SHLD2: variants seen among roughly 807,000 people sequenced by gnomAD.
SHLD2 encodes shieldin complex subunit 2, also known as RINN1-REV7-interacting novel NHEJ regulator 2.
A neutral mutation model predicts 73.2 loss-of-function variants in SHLD2; 30 were observed. That is an observed-to-expected ratio of 0.41 (90% confidence interval 0.31 to 0.56). The LOEUF (loss-of-function observed/expected upper bound fraction) is 0.56, where lower values mean the gene tolerates loss of function less well. Among genes scored for constraint, SHLD2 ranks in the 20% least tolerant of loss-of-function variants. The probability of loss-of-function intolerance (pLI) is 0.28; values close to 1 mark genes in which losing one functional copy is unlikely to be tolerated. For missense variants in SHLD2, 745 were observed against 1,055.9 expected, an observed-to-expected ratio of 0.71 and a Z score of 4.08; for synonymous variants, 285 against 370.1, an observed-to-expected ratio of 0.77 and a Z score of 2.64.
At chr10:87,105,527 G>A (rs1373202783) in intron 2 of SHLD2, among the ~76,000 whole-genome samples, 1 of 152,160 alleles carries the variant, frequency 6.6e-6, no homozygotes, top group East Asian at 1.9e-4. Context: ...TGACCCTCGA[G>A]TAGCAATATC....
intron 2 of SHLD2, among the ~76,000 whole-genome samples, chr10:87,110,626 T>C (rs1405787299): frequency 1.3e-5 from 2 of 148,422 alleles, no homozygotes; most frequent in African/African-American, 2.5e-5. Context: ...AAAAAAAAGC[T>C]CTCTTTTCTC....
chr10:87,171,908 A>G (rs575045078), intron 6 of SHLD2, among the ~76,000 whole-genome samples: 3 of 152,308 alleles, frequency 2.0e-5, no homozygotes, highest in Admixed American at 1.3e-4. Context: ...ATCATTGACC[A>G]CCATAGCCTG....
chr10:87,125,218 T>C (rs1279322696), intron 2 of SHLD2, among the ~76,000 whole-genome samples: 2 of 152,360 alleles, frequency 1.3e-5, no homozygotes, highest in Admixed American at 1.3e-4. Context: ...TTATGAATTA[T>C]TCCTTAAAGC....
chr10:87,177,131 A>G (rs1036994136), intron 7 of SHLD2, among the ~76,000 whole-genome samples: 45 of 151,788 alleles, frequency 3.0e-4, no homozygotes, highest in Non-Finnish European at 5.3e-4. Context: ...TGCTTCTCCA[A>G]CTTCACAGAC....
chr10:87,178,105 G>A (rs527966366), intron 7 of SHLD2, among the ~76,000 whole-genome samples: 3 of 151,484 alleles, frequency 2.0e-5, no homozygotes, highest in Non-Finnish European at 4.4e-5. Flanking sequence ...GCATGATGTC[G>A]GGTGCCTGTA....
intron 2 of SHLD2, among the ~76,000 whole-genome samples, chr10:87,098,729 A>G (rs2133917346): frequency 6.6e-6 from 1 of 152,286 alleles, no homozygotes; most frequent in Non-Finnish European, 1.5e-5. Context: ...CTTTAGATTT[A>G]TGATTGCTTT....
chr10:87,189,287 C>T (rs976293995), intron 9 of SHLD2, among the ~76,000 whole-genome samples: 4 of 152,216 alleles, frequency 2.6e-5, no homozygotes, highest in African/African-American at 7.2e-5. Flanking sequence ...AGGCGTGAGC[C>T]ACCGTGTCCG....
upstream of SHLD2, chr10:87,094,650 G>A (rs1273946240): frequency 6.3e-7 from 1 of 1,597,792 alleles, no homozygotes; most frequent in Non-Finnish European, 8.5e-7. This position sits in a 1 kb window ranked among gnomAD's most constrained non-coding sequence, Gnocchi z 6.6. Flanking sequence ...CCGGCTGCGG[G>A]GCGGCGGCGG....
chr10:87,113,040 G>C (rs1231066792), intron 2 of SHLD2, among the ~76,000 whole-genome samples: 1 of 152,058 alleles, frequency 6.6e-6, no homozygotes, highest in Non-Finnish European at 1.5e-5. Flanking sequence ...ACAATATGTG[G>C]TCCAGCCGGG....
intron 2 of SHLD2, among the ~76,000 whole-genome samples, chr10:87,119,196 G>A (rs895485710): frequency 2.0e-5 from 3 of 150,550 alleles, no homozygotes; most frequent in Non-Finnish European, 3.0e-5. Flanking sequence ...GTTATATTAA[G>A]AGTTAAAACC....
intron 2 of SHLD2, among the ~76,000 whole-genome samples, chr10:87,144,499 ACTT>A (rs1319892608): frequency 1.3e-5 from 2 of 152,124 alleles, no homozygotes; most frequent in African/African-American, 2.4e-5. Flanking sequence ...ATAGCTTTAA[ACTT>A]CAACTGCTTT....
intron 2 of SHLD2, among the ~76,000 whole-genome samples, chr10:87,138,386 A>C (rs538709156): frequency 1.3e-3 from 198 of 152,104 alleles, no homozygotes; most frequent in Non-Finnish European, 2.5e-3. Flanking sequence ...AAAAAAAAAA[A>C]CAACCTGTTA....
intron 2 of SHLD2, among the ~76,000 whole-genome samples, chr10:87,108,090 G>C (rs1466530678): frequency 1.3e-5 from 2 of 151,914 alleles, no homozygotes; most frequent in Non-Finnish European, 2.9e-5. Flanking sequence ...TTTCGCTCTT[G>C]TTATCCAGGA....
chr10:87,122,190 A>C (rs1843683463), intron 2 of SHLD2, among the ~76,000 whole-genome samples: 1 of 150,926 alleles, frequency 6.6e-6, no homozygotes, highest in Admixed American at 6.6e-5. Flanking sequence ...AAAAAAAAAA[A>C]AAAAGGCTAC....
chr10:87,156,144 G>T (rs528966859), intron 3 of SHLD2, among the ~76,000 whole-genome samples: 2 of 149,014 alleles, frequency 1.3e-5, no homozygotes, highest in Non-Finnish European at 3.0e-5. Flanking sequence ...TCGGCTCACT[G>T]CAACCTCTGC....
At chr10:87,159,080 C>G (rs919790495) in intron 4 of SHLD2, among the ~76,000 whole-genome samples, 5 of 151,792 alleles carry the variant, frequency 3.3e-5, no homozygotes, top group Non-Finnish European at 5.9e-5. Flanking sequence ...AAATATCATA[C>G]AAGAAAATAG....
chr10:87,126,239 T>C (rs1032981300), intron 2 of SHLD2, among the ~76,000 whole-genome samples: 7 of 152,070 alleles, frequency 4.6e-5, no homozygotes, highest in Admixed American at 3.9e-4. Context: ...CCACCATGCC[T>C]GGCTAATTTT....
intron 2 of SHLD2, among the ~76,000 whole-genome samples, chr10:87,098,008 C>G (rs953506264): frequency 1.3e-5 from 2 of 151,944 alleles, no homozygotes; most frequent in Non-Finnish European, 2.9e-5. Flanking sequence ...ATGATCTGCC[C>G]GCCTTGGCCA....
intron 2 of SHLD2, among the ~76,000 whole-genome samples, chr10:87,108,484 G>A (rs1441662060): frequency 1.3e-5 from 2 of 152,178 alleles, no homozygotes; most frequent in African/African-American, 4.8e-5. Flanking sequence ...ACCATGCCCA[G>A]CCTAGAGATG....
Sources: gnomAD v4.1 joint callset for allele counts (sites outside exome capture counted in the v4.1 genomes callset) on GRCh38, gnomAD v4.1.1 for gene constraint, Gnocchi (gnomAD v3.1) non-coding constraint, MANE v1.5 for transcripts, NCBI Gene and HGNC (gene_info 2026-07-23, HGNC 2026-07-21) for gene names.